The following MGLL variants were observed in gnomAD, a reference collection of about 807,000 sequenced individuals.
The protein encoded by MGLL is monoglyceride lipase.
In MGLL, 7 loss-of-function variants were observed where a neutral mutation model predicts 29.1. The observed-to-expected ratio is 0.24, with a 90% CI of 0.14 to 0.45. MGLL has a LOEUF of 0.45. Among genes scored for constraint, MGLL ranks in the 20% least tolerant of loss-of-function variants. The probability of loss-of-function intolerance (pLI) is 0.99; values close to 1 mark genes in which losing one functional copy is unlikely to be tolerated. For missense variants in MGLL, 356 were observed against 413.6 expected (o/e 0.86, Z 1.21); for synonymous variants, 148 against 168.3 (o/e 0.88, Z 0.93).
intron 3 of MGLL, among the ~76,000 whole-genome samples, chr3:127,741,313 T>C (rs1489380556): frequency 6.6e-6 from 1 of 152,226 alleles, no homozygotes; most frequent in African/African-American, 2.4e-5. Flanking sequence ...CCACTCCTCA[T>C]GCTTTCTTGG....
chr3:127,720,955 G>T, intron 5 of MGLL, 98 bp downstream of exon 5: 2 of 1,017,916 alleles, frequency 2.0e-6, no homozygotes, highest in East Asian at 2.5e-5. Flanking sequence ...GAGGTCCAAG[G>T]ATGGCCTTTG....
At chr3:127,801,933 G>T (rs935375149) in intron 2 of MGLL, among the ~76,000 whole-genome samples, 1 of 151,992 alleles carries the variant, frequency 6.6e-6, no homozygotes, top group African/African-American at 2.4e-5. Flanking sequence ...TCACCAGACA[G>T]AGGCCCACAC....
intron 2 of MGLL, among the ~76,000 whole-genome samples, chr3:127,784,580 G>A (rs1354452565): frequency 1.3e-5 from 2 of 152,094 alleles, no homozygotes; most frequent in Non-Finnish European, 2.9e-5. Flanking sequence ...CCTTCTCTCT[G>A]CACAGGAAGA....
intron 2 of MGLL, among the ~76,000 whole-genome samples, chr3:127,821,108 G>A (rs1307049385): frequency 6.6e-6 from 1 of 152,212 alleles, no homozygotes; most frequent in Non-Finnish European, 1.5e-5. Flanking sequence ...TCCAAGAGGA[G>A]GGAGCAGCAG....
chr3:127,693,304 C>T (rs1258549668), intron 7 of MGLL, among the ~76,000 whole-genome samples: 2 of 152,324 alleles, frequency 1.3e-5, no homozygotes, highest in East Asian at 1.9e-4. Context: ...CCTACCTCCT[C>T]CTTACCCCAG....
chr3:127,814,046 C>T (rs2077710468), intron 2 of MGLL, among the ~76,000 whole-genome samples: 1 of 151,954 alleles, frequency 6.6e-6, no homozygotes, highest in Admixed American at 6.6e-5. Flanking sequence ...CTCCCTGCCT[C>T]CCTCCCACTC....
At chr3:127,726,801 T>C (rs973599417) in intron 3 of MGLL, among the ~76,000 whole-genome samples, 1 of 152,210 alleles carries the variant, frequency 6.6e-6, no homozygotes. Context: ...AAAAGTGTTA[T>C]AAAAATAATC....
At chr3:127,708,574 G>GT (rs1254910040) in intron 6 of MGLL, among the ~76,000 whole-genome samples, 3 of 152,204 alleles carry the variant, frequency 2.0e-5, no homozygotes, top group Non-Finnish European at 2.9e-5. Context: ...TTTAGTACCT[G>GT]TTTTTTTCTT....
chr3:127,737,740 G>A (rs910158220), intron 3 of MGLL, among the ~76,000 whole-genome samples: 27 of 140,812 alleles, frequency 1.9e-4, no homozygotes, highest in South Asian at 2.3e-4. Context: ...CACCTCCCGG[G>A]TTGAAGCAAC....
At chr3:127,749,781 C>T (rs2076522292) in intron 3 of MGLL, among the ~76,000 whole-genome samples, 3 of 152,052 alleles carry the variant, frequency 2.0e-5, no homozygotes, top group Non-Finnish European at 4.4e-5. Context: ...GTATGTGGTG[C>T]GTGTGTATGT....
chr3:127,776,917 C>T (rs969056941), intron 3 of MGLL, among the ~76,000 whole-genome samples: 4 of 152,228 alleles, frequency 2.6e-5, no homozygotes, highest in South Asian at 2.1e-4. Flanking sequence ...GGGAGAGGAG[C>T]GAATGGACAA....
rs774285567 is a variant in MGLL, at chr3:127,692,273, G to A, written c.867C>T (p.Thr289=). The part of the protein sequence containing the change: ...HVLHKELPEV[T]NSVFHEINMW... Reference sequence around the variant, plus strand: ...TGTTTATTTCATGGAAGACGGAGTTGGTGACTTCAGGAAGCTCCTTGTGGA... The same window carrying A: ...TGTTTATTTCATGGAAGACGGAGTTAGTGACTTCAGGAAGCTCCTTGTGGA... Residue 289 remains threonine, a synonymous_variant, in exon 8 of 8, where the codon ACC becomes ACT. Coordinates refer to ENST00000265052, the MANE Select transcript of MGLL (RefSeq NM_007283.7). 2 of 1,613,878 alleles carry A rather than the reference G, an allele frequency of 1.2e-6. No homozygotes were observed. Among genetic ancestry groups the A allele is most frequent in the Non-Finnish European group, 1.7e-6 (2 of 1,179,828 alleles).
At chr3:127,772,508 A>G (rs952941555) in intron 3 of MGLL, among the ~76,000 whole-genome samples, 31 of 152,224 alleles carry the variant, frequency 2.0e-4, no homozygotes, top group Admixed American at 1.8e-3. Flanking sequence ...ACCGTCCTGC[A>G]CACTACCGCA....
intron 3 of MGLL, among the ~76,000 whole-genome samples, chr3:127,726,336 GGAAA>G (rs1236543687): frequency 4.1e-5 from 6 of 147,626 alleles, no homozygotes; most frequent in East Asian, 2.0e-4. Flanking sequence ...GAAAGAAAGA[GGAAA>G]GAAAGAAAGA....
intron 7 of MGLL, among the ~76,000 whole-genome samples, chr3:127,694,110 A>C (rs2075299387): frequency 6.6e-6 from 1 of 151,848 alleles, no homozygotes; most frequent in Non-Finnish European, 1.5e-5. Flanking sequence ...TCTGTACTAA[A>C]AATACAAAAA....
intron 2 of MGLL, among the ~76,000 whole-genome samples, chr3:127,795,562 TA>T (rs905291775): frequency 3.8e-4 from 58 of 151,496 alleles, no homozygotes; most frequent in African/African-American, 1.3e-3. Flanking sequence ...GTTGATACTT[TA>T]AAAAAAAATA....
At chr3:127,774,294 C>T (rs2076996892) in intron 3 of MGLL, among the ~76,000 whole-genome samples, 1 of 152,244 alleles carries the variant, frequency 6.6e-6, no homozygotes, top group South Asian at 2.1e-4. Context: ...ATGACTGCCA[C>T]AGCCTCTTGA....
chr3:127,775,535 GCC>G (rs2077019958), intron 3 of MGLL, among the ~76,000 whole-genome samples: 1 of 151,882 alleles, frequency 6.6e-6, no homozygotes, highest in African/African-American at 2.4e-5. Context: ...CGTAACTGCC[GCC>G]CACAGACATT....
At position 127,740,800 on chromosome 3, in the gene MGLL, T is replaced by A. The variant is rs115275186; in HGVS notation, c.263-18234A>T. On this transcript the variant is annotated intron_variant, in intron 3 of 7. Coordinates refer to ENST00000265052, the MANE Select transcript of MGLL (RefSeq NM_007283.7). ...CCAAAATGTGGCCGTGTCGACGTAG[T>A]GTGGGGACCTCCCAGGGCTGGATTC... Among the ~76,000 whole-genome samples, 853 of 152,344 alleles carry A rather than the reference T, an allele frequency of 5.6e-3. 15 individuals carry two copies. The highest frequency in any genetic ancestry group is 0.019 in the African/African-American group (808 of 41,582).
Sources: gnomAD v4.1 joint callset for allele counts (sites outside exome capture counted in the v4.1 genomes callset) on GRCh38, gnomAD v4.1.1 for gene constraint, MANE v1.5 for transcripts, NCBI Gene and HGNC (gene_info 2026-07-23, HGNC 2026-07-21) for gene names.